MGAT4C: variants seen among roughly 807,000 people sequenced by gnomAD.
The protein encoded by MGAT4C is alpha-1,3-mannosyl-glycoprotein 4-beta-N-acetylglucosaminyltransferase C.
MGAT4C carries 19 observed loss-of-function variants against 40.1 expected under a neutral mutation model. That is an observed-to-expected ratio of 0.47 (90% CI 0.33 to 0.70). The LOEUF (loss-of-function observed/expected upper bound fraction) is 0.70, where lower values mean the gene tolerates loss of function less well. Ranked by LOEUF, MGAT4C falls within the 30% of genes least tolerant of loss-of-function variation. MGAT4C has a pLI of 0.02. For missense variants in MGAT4C, 491 were observed against 563.2 expected, an observed-to-expected ratio of 0.87 and a Z score of 1.30; for synonymous variants, 181 against 187.1, an observed-to-expected ratio of 0.97 and a Z score of 0.27.
intron 1 of MGAT4C, among the ~76,000 whole-genome samples, chr12:86,057,472 A>G (rs1202662281): frequency 6.6e-6 from 1 of 152,172 alleles, no homozygotes; most frequent in Non-Finnish European, 1.5e-5. Flanking sequence ...CTGCAACTAC[A>G]CTGAACTACC....
In MGAT4C at chr12:86,528,328, C is replaced by T. The variant is rs1280638238; in HGVS notation, c.-228-93063G>A. Among the ~76,000 whole-genome samples, 4 of 152,138 alleles carry T rather than the reference C, an allele frequency of 2.6e-5. No individual in the cohort carries two copies. The East Asian group carries it at 7.7e-4, about 29-fold the overall frequency. ...TTAAAACAGAGATGGACTCAATGTA[C>T]TCACAGTTTCACTCTATTTCTCAGA... On this transcript the variant is annotated intron_variant, in intron 2 of 7. Transcript: ENST00000548651.
chr12:86,553,679 G>A (rs952208582), intron 2 of MGAT4C, among the ~76,000 whole-genome samples: 8 of 152,052 alleles, frequency 5.3e-5, no homozygotes, highest in African/African-American at 1.9e-4. Context: ...ATGACTACAC[G>A]TTTTTTCTCT....
At chr12:86,025,023 G>A (rs1890123734) in intron 2 of MGAT4C, among the ~76,000 whole-genome samples, 1 of 151,376 alleles carries the variant, frequency 6.6e-6, no homozygotes, top group Non-Finnish European at 1.5e-5. Context: ...GAATTCAAAT[G>A]TCTTTTCCTC....
At chr12:86,090,851 C>T (rs1872753577) in intron 1 of MGAT4C, among the ~76,000 whole-genome samples, 1 of 151,834 alleles carries the variant, frequency 6.6e-6, no homozygotes, top group Admixed American at 6.6e-5. Context: ...GCTTGGGCTA[C>T]CTTCCTAGAT....
At chr12:86,391,011 C>T (rs574793881) in intron 3 of MGAT4C, among the ~76,000 whole-genome samples, 1 of 152,132 alleles carries the variant, frequency 6.6e-6, no homozygotes, top group Non-Finnish European at 1.5e-5. Context: ...TAAAGGGTTA[C>T]AGAATATGGG....
At chr12:86,311,960 G>A (rs146053992) in intron 4 of MGAT4C, among the ~76,000 whole-genome samples, 45 of 152,162 alleles carry the variant, frequency 3.0e-4, no homozygotes, top group African/African-American at 1.0e-3. Context: ...CTTTGCCCAA[G>A]GCACCTATGA....
Position 86,219,347 on chromosome 12 carries a change from A to G in MGAT4C, c.-57+36892T>C, listed in dbSNP as rs140579201. Among the ~76,000 whole-genome samples, 810 of 124,788 alleles carry G rather than the reference A, an allele frequency of 6.5e-3. 9 individuals carry two copies. Among genetic ancestry groups the G allele is most frequent in the Non-Finnish European group, 0.011 (616 of 57,884 alleles). 81.9% of individuals were successfully genotyped at this position (124,788 alleles called of 152,430 possible). ...AAAGAGATAAAATAATATGTTATGAAAAAATGATGAGGTGACTGTTCTAAA... is the reference window on the plus strand; with the variant it reads ...AAAGAGATAAAATAATATGTTATGAGAAAATGATGAGGTGACTGTTCTAAA... On this transcript the variant is annotated intron_variant, in intron 1 of 4. Transcript: ENST00000611864.
At chr12:86,426,536 T>C (rs925077373) in intron 3 of MGAT4C, among the ~76,000 whole-genome samples, 1 of 152,236 alleles carries the variant, frequency 6.6e-6, no homozygotes. Flanking sequence ...TTGCTCAGGC[T>C]AATTCAGCTA....
At chr12:85,990,207 C>T (rs1885727338) in intron 2 of MGAT4C, among the ~76,000 whole-genome samples, 1 of 151,984 alleles carries the variant, frequency 6.6e-6, no homozygotes, top group African/African-American at 2.4e-5. Flanking sequence ...AGTAGTTTAG[C>T]TGTTTGAAAT....
At chr12:86,346,383 C>T (rs1042961162) in intron 3 of MGAT4C, among the ~76,000 whole-genome samples, 4 of 152,048 alleles carry the variant, frequency 2.6e-5, no homozygotes, top group Non-Finnish European at 4.4e-5. Flanking sequence ...CACCACCATG[C>T]CCGACTAATT....
At chr12:86,711,069 T>A (rs540539830) in intron 2 of MGAT4C, among the ~76,000 whole-genome samples, 128 of 152,156 alleles carry the variant, frequency 8.4e-4, no homozygotes, top group African/African-American at 2.9e-3. Flanking sequence ...GATAAAAGAC[T>A]ACATATAGAG....
At chr12:86,080,815 C>T (rs150037543) in intron 1 of MGAT4C, among the ~76,000 whole-genome samples, 15 of 152,224 alleles carry the variant, frequency 9.9e-5, no homozygotes, top group African/African-American at 3.1e-4. Flanking sequence ...ATCTTCCCAG[C>T]GTGAGCATAA....
chr12:86,142,048 C>T lies in MGAT4C; in HGVS notation c.-56-92325G>A, dbSNP rs559419685. 9.2e-5 allele frequency among the ~76,000 whole-genome samples: 14 copies of T among 152,228 alleles called. No individual in the cohort carries two copies. The East Asian group carries it at 2.7e-3, about 30-fold the overall frequency. ...TGAGGAAACAGTAATTCTAAGGAAG[C>T]CTCATCAACTTTATTACTGACTCCC... On this transcript the variant is annotated intron_variant, in intron 1 of 4. Coordinates refer to ENST00000611864, the MANE Select transcript of MGAT4C (RefSeq NM_001351288.2).
chr12:86,692,168 C>T (rs1204950906), intron 2 of MGAT4C, among the ~76,000 whole-genome samples: 2 of 152,012 alleles, frequency 1.3e-5, no homozygotes, highest in East Asian at 3.9e-4. Context: ...TTTGCAAGTG[C>T]AGTTTCAAGA....
intron 2 of MGAT4C, among the ~76,000 whole-genome samples, chr12:86,625,087 T>G (rs1488052278): frequency 6.6e-6 from 1 of 151,926 alleles, no homozygotes; most frequent in African/African-American, 2.4e-5. Flanking sequence ...AAAGGGGCCC[T>G]TTATAAGGGG....
intron 1 of MGAT4C, among the ~76,000 whole-genome samples, chr12:86,783,140 C>G (rs1833957810): frequency 6.6e-6 from 1 of 152,124 alleles, no homozygotes; most frequent in African/African-American, 2.4e-5. Context: ...ATTCCATCAT[C>G]ATTTTCACTT....
At chr12:86,529,910 C>A (rs1047844735) in intron 2 of MGAT4C, among the ~76,000 whole-genome samples, 5 of 151,882 alleles carry the variant, frequency 3.3e-5, no homozygotes, top group African/African-American at 1.2e-4. Context: ...CTACATACAT[C>A]CTCTCACATA....
intron 1 of MGAT4C, among the ~76,000 whole-genome samples, chr12:86,241,424 A>G (rs1951778086): frequency 6.6e-6 from 1 of 152,158 alleles, no homozygotes. Context: ...GTAAAAAAGG[A>G]TCATCTCTTT....
chr12:86,377,457 A>T (rs1177522433), intron 3 of MGAT4C, among the ~76,000 whole-genome samples: 1 of 152,152 alleles, frequency 6.6e-6, no homozygotes, highest in Non-Finnish European at 1.5e-5. Flanking sequence ...CTTTAACTCA[A>T]AACCAACATA....
Sources: gnomAD v4.1 joint callset for allele counts (sites outside exome capture counted in the v4.1 genomes callset) on GRCh38, gnomAD v4.1.1 for gene constraint, MANE v1.5 for transcripts, NCBI Gene and HGNC (gene_info 2026-07-23, HGNC 2026-07-21) for gene names.